PDE6A: variants seen among roughly 807,000 people sequenced by gnomAD.
PDE6A encodes the protein rod cGMP-specific 3',5'-cyclic phosphodiesterase subunit alpha.
PDE6A carries 84 observed loss-of-function variants against 106.3 expected under a neutral mutation model. The observed-to-expected ratio is 0.79, with a 90% CI of 0.66 to 0.95. The LOEUF (loss-of-function observed/expected upper bound fraction) is 0.95. Among genes scored for constraint, PDE6A ranks in the 40% least tolerant of loss-of-function variants. The probability of loss-of-function intolerance (pLI) is 0.00; values close to 1 mark genes in which losing one functional copy is unlikely to be tolerated. For missense variants in PDE6A, 1,052 were observed against 1,084.9 expected (o/e 0.97, Z 0.43); for synonymous variants, 394 against 386.6 (o/e 1.02, Z -0.23).
intron 4 of PDE6A, among the ~76,000 whole-genome samples, chr5:149,928,231 A>ATATATATATATTTTT: frequency 1.0e-4 from 2 of 19,746 alleles, no homozygotes; most frequent in African/African-American, 9.6e-4. Flanking sequence ...ATATATATAT[A>ATATATATATATTTTT]TTTTTTTTTT....
intron 4 of PDE6A, among the ~76,000 whole-genome samples, chr5:149,925,037 C>G (rs2113646758): frequency 6.6e-6 from 1 of 152,274 alleles, no homozygotes. Context: ...AGTTCAATTC[C>G]TAAATGGATT....
chr5:149,922,689 A>T (rs1327885321), intron 4 of PDE6A, among the ~76,000 whole-genome samples: 1 of 152,202 alleles, frequency 6.6e-6, no homozygotes, highest in Non-Finnish European at 1.5e-5. Flanking sequence ...TTTTCATAAC[A>T]AACTTTATTG....
At chr5:149,896,262 C>CT in intron 12 of PDE6A, 94 bp downstream of exon 12, 3 of 1,039,138 alleles carry the variant, frequency 2.9e-6, no homozygotes, top group Non-Finnish European at 4.4e-6. Flanking sequence ...AGAGTAAACT[C>CT]TTTTTAAGGT....
Position 149,901,560 on chromosome 5 carries a change from AAAC to A in PDE6A, c.1114-2039_1114-2037del, listed in dbSNP as rs1752981386. 3.3e-5 allele frequency among the ~76,000 whole-genome samples: 5 copies of A among 152,260 alleles called. No homozygotes were observed. The South Asian group carries it at 1.0e-3, about 32-fold the overall frequency. ...ACAAAAACAAAAACAAACAAACAAA[AAAC>A]AACATTATTTAGGCTACTTTATGGA... On this transcript the variant is annotated intron_variant, in intron 8 of 21. Transcript: ENST00000255266.
At chr5:149,911,977 A>T (rs1753403011) in intron 6 of PDE6A, among the ~76,000 whole-genome samples, 1 of 152,126 alleles carries the variant, frequency 6.6e-6, no homozygotes, top group African/African-American at 2.4e-5. Flanking sequence ...ACATAGTGAG[A>T]CTGTCTCTAT....
In PDE6A at chr5:149,877,086, C is replaced by T. The variant is rs117848475; in HGVS notation, c.2135+6343G>A. ...AAATCAGTTGCTACCATCTTCAGTA[C>T]GTATTACTGATGTGCCTTTGCCCTA... is the stretch of plus-strand genomic sequence containing the variant. On this transcript the variant is annotated intron_variant, in intron 17 of 21. Coordinates refer to ENST00000255266, the MANE Select transcript of PDE6A (RefSeq NM_000440.3). Among the ~76,000 whole-genome samples the T allele has an allele frequency of 5.6e-4, 85 of 152,240 alleles. 1 individual carries two copies. In the East Asian group the frequency reaches 0.015, roughly 27 times the overall value.
At chr5:149,891,670 G>A (rs1752552384) in intron 13 of PDE6A, among the ~76,000 whole-genome samples, 1 of 152,014 alleles carries the variant, frequency 6.6e-6, no homozygotes. Context: ...CAGCATGGCA[G>A]TGAGTGTCTG....
rs951076582 is a variant in PDE6A, at chr5:149,896,765, C to T, written c.1419G>A (p.Glu473=). 7.4e-6 allele frequency: 12 copies of T among 1,614,182 alleles called. No homozygotes were observed. Among genetic ancestry groups the T allele is most frequent in the Non-Finnish European group, 9.3e-6 (11 of 1,180,046 alleles). The change falls in exon 11 of 22, where the codon GAG becomes GAA. Residue 473 remains glutamate (E), a synonymous_variant. Transcript: ENST00000255266. The part of the protein sequence containing the change: ...EEIQKILKTR[E]VYGKEPWECE... ...ACTCCCATGGCTCCTTCCCATACAC[C>T]TCTCTGGTTTTCTGCCAGGACCCAA... is the stretch of plus-strand genomic sequence containing the variant.
intron 7 of PDE6A, among the ~76,000 whole-genome samples, chr5:149,905,650 AGTT>A (rs781475487): frequency 3.3e-5 from 5 of 152,058 alleles, no homozygotes; most frequent in Non-Finnish European, 5.9e-5. Flanking sequence ...CCTCTGTCAA[AGTT>A]GTTGTGAGTA....
intron 5 of PDE6A, 94 bp downstream of exon 5, chr5:149,921,541 T>C: frequency 1.1e-6 from 1 of 929,206 alleles, no homozygotes; most frequent in Non-Finnish European, 1.7e-6. Context: ...CAAAGACAAA[T>C]ACCTATATGC....
intron 7 of PDE6A, among the ~76,000 whole-genome samples, chr5:149,906,137 C>T (rs1253071702): frequency 2.6e-5 from 4 of 151,846 alleles, no homozygotes; most frequent in African/African-American, 9.7e-5. Flanking sequence ...GGATTACAGG[C>T]GTGAGTCACT....
rs758837769 is a variant in PDE6A at position 149,944,394 on chromosome 5, T to C, written c.280A>G (p.Met94Val). Residue 94 changes from methionine (M) to valine (V), a missense_variant, in exon 1 of 22, where the codon ATG becomes GTG. Physicochemically the swap from Met to Val is conservative, Grantham distance 21. This residue lies in a region of PDE6A where 913 missense variants were observed against 915.2 expected (regional missense o/e 1.00). Coordinates refer to ENST00000255266, the MANE Select transcript of PDE6A (RefSeq NM_000440.3). ...KLCFLLQADR[M>V]SLFMYRTRNG... ...CGGGTCCGGTACATGAACAGGCTCA[T>C]GCGGTCTGCCTGCAGGAGGAAGCAC... 2 of 1,614,062 alleles carry C rather than the reference T, an allele frequency of 1.2e-6. No homozygotes were observed. The highest frequency in any genetic ancestry group is 3.3e-5 in the Admixed American group (2 of 59,998).
Position 149,909,894 on chromosome 5 carries a change from C to T in PDE6A, c.999-2516G>A, listed in dbSNP as rs117453730. On this transcript the variant is annotated intron_variant, in intron 6 of 21. Coordinates refer to ENST00000255266, the MANE Select transcript of PDE6A (RefSeq NM_000440.3). ...AAGCATATGAGAATTTCCTAATTAG[C>T]TTTTTGTTACTGGCTTAAAGCAGTG... 2.1e-4 allele frequency among the ~76,000 whole-genome samples: 32 copies of T among 152,198 alleles called. No individual in the cohort carries two copies. In the East Asian group the frequency reaches 6.2e-3, roughly 29 times the overall value.
chr5:149,895,711 G>A (rs943348601), intron 12 of PDE6A, among the ~76,000 whole-genome samples: 4 of 152,064 alleles, frequency 2.6e-5, no homozygotes, highest in African/African-American at 9.7e-5. Flanking sequence ...TCACTTGGAG[G>A]ACTTGTTAAA....
At position 149,895,264 on chromosome 5, in the gene PDE6A, C is replaced by A; in HGVS notation, c.1647G>T (p.Leu549=). The change falls in exon 13 of 22, where the codon CTG becomes CTT. Residue 549 remains leucine (L), a synonymous_variant. Transcript: ENST00000255266. The part of the protein sequence containing the change: ...QEALVRFMYS[L]SKGYRKITYH... ...AGGTGATCTTGCGGTAGCCCTTACTCAGGGAGTACATGAACCGCACCAGGG... is the reference window on the plus strand; with the variant it reads ...AGGTGATCTTGCGGTAGCCCTTACTAAGGGAGTACATGAACCGCACCAGGG... 1 of 1,613,912 alleles carries A rather than the reference C, an allele frequency of 6.2e-7. No homozygotes were observed. Among genetic ancestry groups the A allele is most frequent in the East Asian group, 2.2e-5 (1 of 44,880 alleles).
intron 14 of PDE6A, 33 bp from the exon 15 acceptor site, chr5:149,884,900 T>C: frequency 6.6e-6 from 10 of 1,520,018 alleles, no homozygotes; most frequent in Non-Finnish European, 9.1e-6. Flanking sequence ...CAATATGGAG[T>C]GGACAATAGA....
Position 149,895,288 on chromosome 5 carries a change from G to C in PDE6A, c.1623C>G (p.Ala541=). Reference sequence around the variant, plus strand: ...TCAGGGAGTACATGAACCGCACCAGGGCCTGTGAACACATGCACATCAGTG... The same window carrying C: ...TCAGGGAGTACATGAACCGCACCAGCGCCTGTGAACACATGCACATCAGTG... The part of the protein sequence containing the change: ...VVDKFHIPQE[A]LVRFMYSLSK... Residue 541 remains alanine, a splice_region_variant and synonymous_variant, in exon 13 of 22, where the codon GCC becomes GCG. Transcript: ENST00000255266. 1 of 1,608,538 alleles carries C rather than the reference G, an allele frequency of 6.2e-7. No homozygotes were observed. The highest frequency in any genetic ancestry group is 8.5e-7 in the Non-Finnish European group (1 of 1,174,986).
chr5:149,932,542 CT>C, intron 3 of PDE6A: 1 of 1,438,148 alleles, frequency 7.0e-7, no homozygotes, highest in Non-Finnish European at 9.8e-7. Flanking sequence ...TTTGGAACTC[CT>C]TTTTGGAATC....
rs147159579 is a variant in PDE6A, at chr5:149,944,331, C to T, written c.343G>A (p.Val115Ile). ...IAELATRLFN[V>I]HKDAVLEDCL... ...TCCTCGAGGACAGCATCCTTGTGGA[C>T]ATTGAAAAGCCTGGTGGCCAGCTCT... The change falls in exon 1 of 22, where the codon GTC becomes ATC. Residue 115 changes from valine to isoleucine, a missense_variant. Val to Ile is a conservative substitution (Grantham distance 29, BLOSUM62 3). Around this residue, in one of 3 missense-constraint regions of PDE6A, gnomAD observed 913 missense variants for 915.2 expected, o/e 1.00. Transcript: ENST00000255266. 1.4e-4 allele frequency: 219 copies of T among 1,614,078 alleles called. 2 individuals are homozygous for T. In the African/African-American group the frequency reaches 2.4e-3, roughly 17 times the overall value.
Sources: allele counts gnomAD v4.1 joint callset (sites outside exome capture counted in the v4.1 genomes callset), GRCh38; gene constraint gnomAD v4.1.1; regional missense constraint gnomAD v4.1.1; transcripts MANE v1.5; gene names NCBI Gene and HGNC (gene_info 2026-07-23, HGNC 2026-07-21).